The following MCF2L variants were observed in gnomAD, a reference collection of about 807,000 sequenced individuals.
MCF2L encodes guanine nucleotide exchange factor DBS.
MCF2L carries 97 observed loss-of-function variants against 153.4 expected under a neutral mutation model. The ratio of observed to expected loss-of-function variants is 0.63; its 90% CI spans 0.54 to 0.75. The LOEUF (loss-of-function observed/expected upper bound fraction) is 0.75, where lower values mean the gene tolerates loss of function less well. MCF2L is among the 30% of genes least tolerant of loss of function. The pLI, the probability that MCF2L is intolerant of heterozygous loss-of-function variation, is 0.00. For synonymous variants in MCF2L, 659 were observed against 632.2 expected, an observed-to-expected ratio of 1.04 and a Z score of -0.64; for missense variants, 1,347 against 1,495.2, an observed-to-expected ratio of 0.90 and a Z score of 1.64.
intron 3 of MCF2L, chr13:113,033,736 A>AATC (rs2085951376): frequency 1.3e-5 from 2 of 157,690 alleles, no homozygotes; most frequent in Non-Finnish European, 2.9e-5. Flanking sequence ...CCATGGTCTG[A>AATC]AGCCCTGAGT....
chr13:112,962,420 C>T (rs1205272231), intron 2 of MCF2L, among the ~76,000 whole-genome samples: 3 of 152,192 alleles, frequency 2.0e-5, no homozygotes, highest in South Asian at 2.1e-4. Context: ...TGGTGGGTTG[C>T]GGTCCCTGTG....
rs561051441 is a variant in MCF2L at position 113,053,259 on chromosome 13, C to T, written c.370-7334C>T. The stretch of plus-strand genomic sequence containing the variant: ...AAAATCCAGGTCCAGTGAAGGACGG[C>T]GCCCCCGTCAGCTGTCCACCCTTCT... On this transcript the variant is annotated intron_variant, in intron 4 of 29. Coordinates refer to ENST00000535094, the MANE Select transcript of MCF2L (RefSeq NM_001112732.3). This position sits in a 1 kb window ranked among gnomAD's most constrained non-coding sequence, Gnocchi z 4.4. 1.3e-5 allele frequency among the ~76,000 whole-genome samples: 2 copies of T among 152,284 alleles called. No individual in the cohort carries two copies. Among genetic ancestry groups the T allele is most frequent in the South Asian group, 4.1e-4 (2 of 4,822 alleles).
chr13:113,003,565 GC>G (rs2141071280), intron 1 of MCF2L, among the ~76,000 whole-genome samples: 1 of 152,234 alleles, frequency 6.6e-6, no homozygotes, highest in South Asian at 2.1e-4. Context: ...CACCCCTGAA[GC>G]CCTGGCCACC....
intron 1 of MCF2L, among the ~76,000 whole-genome samples, chr13:112,901,410 TC>T (rs1221929307): frequency 1.3e-5 from 2 of 152,234 alleles, no homozygotes; most frequent in Admixed American, 1.3e-4. Context: ...GGCGTCGGCC[TC>T]CCAAAGTGCT....
At chr13:112,930,808 G>A (rs1224061577) in intron 2 of MCF2L, among the ~76,000 whole-genome samples, 3 of 152,200 alleles carry the variant, frequency 2.0e-5, no homozygotes, top group East Asian at 1.9e-4. Flanking sequence ...ATGGTGGAGC[G>A]TGCCTGTAAT....
intron 3 of MCF2L, among the ~76,000 whole-genome samples, chr13:113,037,014 A>G (rs2086198449): frequency 6.6e-6 from 1 of 152,186 alleles, no homozygotes; most frequent in African/African-American, 2.4e-5. Flanking sequence ...TGGTGTTTGG[A>G]ACCCCCAGAC....
chr13:112,899,462 C>A (rs2081100019), intron 1 of MCF2L, among the ~76,000 whole-genome samples: 1 of 152,158 alleles, frequency 6.6e-6, no homozygotes, highest in South Asian at 2.1e-4. Flanking sequence ...TCCATCCTCT[C>A]GGGGCGGGAA....
At chr13:112,895,484 G>T (rs899221431) in intron 1 of MCF2L, among the ~76,000 whole-genome samples, 5 of 152,108 alleles carry the variant, frequency 3.3e-5, no homozygotes, top group Non-Finnish European at 5.9e-5. Flanking sequence ...ACATGGCCAG[G>T]TGGGTGCTGG....
chr13:113,063,598 A>T, intron 5 of MCF2L, among the ~76,000 whole-genome samples: 1 of 152,194 alleles, frequency 6.6e-6, no homozygotes, highest in East Asian at 1.9e-4. Context: ...AGACGGGACC[A>T]CAAAATGGGT....
At chr13:113,052,240 A>C (rs1272687539) in intron 4 of MCF2L, among the ~76,000 whole-genome samples, 1 of 152,170 alleles carries the variant, frequency 6.6e-6, no homozygotes, top group Non-Finnish European at 1.5e-5. Flanking sequence ...AACAGAGAAA[A>C]AGAAAGAGCT....
In MCF2L at chr13:113,035,068, T is replaced by C. The variant is rs1181050784; in HGVS notation, c.279-10203T>C. Among the ~76,000 whole-genome samples the C allele has an allele frequency of 6.6e-6, 1 of 152,162 alleles. No individual in the cohort carries two copies. The highest frequency in any genetic ancestry group is 1.9e-4 in the East Asian group (1 of 5,188). Reference sequence around the variant, plus strand: ...AGCCCCTCGGGAGGAAGGGTTCCTGTCCACGTTCAGCACCCCCGTGCAGAC... The same window carrying C: ...AGCCCCTCGGGAGGAAGGGTTCCTGCCCACGTTCAGCACCCCCGTGCAGAC... On this transcript the variant is annotated intron_variant, in intron 3 of 29. Transcript: ENST00000535094. This position sits in a 1 kb window ranked among gnomAD's most constrained non-coding sequence, Gnocchi z 4.4.
At chr13:112,924,143 C>G (rs558763070) in intron 2 of MCF2L, among the ~76,000 whole-genome samples, 1 of 152,140 alleles carries the variant, frequency 6.6e-6, no homozygotes, top group South Asian at 2.1e-4. Flanking sequence ...CACATTATCC[C>G]CAAAGCCAGC....
Position 113,074,769 on chromosome 13 carries a change from T to C in MCF2L, c.1116+206T>C, listed in dbSNP as rs1454393896. On this transcript the variant is annotated intron_variant, in intron 10 of 29. Coordinates refer to ENST00000535094, the MANE Select transcript of MCF2L (RefSeq NM_001112732.3). This position sits in a 1 kb window ranked among gnomAD's most constrained non-coding sequence, Gnocchi z 4.2. The stretch of plus-strand genomic sequence containing the variant: ...GCACATGGCCCTGCCCGGCCTCCTC[T>C]GGGTCAGGTCCCTGCAGACGGTCAA... 6.6e-6 allele frequency among the ~76,000 whole-genome samples: 1 copy of C among 150,582 alleles called. No homozygotes were observed. The highest frequency in any genetic ancestry group is 1.5e-5 in the Non-Finnish European group (1 of 67,560).
rs1162064373 is a variant in MCF2L at position 113,027,768 on chromosome 13, T to A, written c.278+3010T>A. On this transcript the variant is annotated intron_variant, in intron 3 of 29. Coordinates refer to ENST00000535094, the MANE Select transcript of MCF2L (RefSeq NM_001112732.3). The surrounding 1 kb of genome is among the most constrained non-coding windows in gnomAD (Gnocchi z 4.8). ...GCAGTTATTAAGCCCATGTTATAGA[T>A]GAGGCTTAATAACACGGTGATGGCT... is the stretch of plus-strand genomic sequence containing the variant. Among the ~76,000 whole-genome samples, 1 of 152,098 alleles carries A rather than the reference T, an allele frequency of 6.6e-6. No individual in the cohort carries two copies. The highest frequency in any genetic ancestry group is 2.4e-5 in the African/African-American group (1 of 41,420).
At chr13:112,997,657 C>T (rs7989784) in intron 1 of MCF2L, among the ~76,000 whole-genome samples, 3,112 of 152,352 alleles carry the variant, frequency 0.02, 85 homozygotes, top group African/African-American at 0.07. Flanking sequence ...ATTGTCCATC[C>T]GGGAGGAGGA....
chr13:113,028,945 G>A lies in MCF2L; in HGVS notation c.278+4187G>A, dbSNP rs553635492. 1.3e-4 allele frequency among the ~76,000 whole-genome samples: 19 copies of A among 151,210 alleles called. No homozygotes were observed. The highest frequency in any genetic ancestry group is 2.1e-4 in the South Asian group (1 of 4,740). ...GGGGTAAGTGGTGTGTGTGGTATGT[G>A]TGGACTATGTGAGGCATGTGTGGGG... On this transcript the variant is annotated intron_variant, in intron 3 of 29. Transcript: ENST00000535094. This position sits in a 1 kb window ranked among gnomAD's most constrained non-coding sequence, Gnocchi z 5.4.
chr13:112,969,098 C>A (rs1327402504), upstream of MCF2L: 2 of 248,664 alleles, frequency 8.0e-6, no homozygotes, highest in Non-Finnish European at 1.5e-5. This position sits in a 1 kb window ranked among gnomAD's most constrained non-coding sequence, Gnocchi z 4.8. Context: ...GGTGCACTCA[C>A]AGGACTCCCA....
intron 26 of MCF2L, chr13:113,090,217 C>T (rs898227912): frequency 1.6e-5 from 24 of 1,455,200 alleles, no homozygotes; most frequent in African/African-American, 5.6e-5. Context: ...TGTCATGCAT[C>T]GTGTGTGACC....
chr13:113,084,820 G>C (rs530056681), intron 18 of MCF2L, 72 bp from the exon 19 acceptor site: 1 of 1,162,250 alleles, frequency 8.6e-7, no homozygotes, highest in Non-Finnish European at 1.3e-6. Flanking sequence ...GCGTAATGCG[G>C]TGCCCGTCCC....
Sources: gnomAD v4.1 joint callset for allele counts (sites outside exome capture counted in the v4.1 genomes callset) on GRCh38, gnomAD v4.1.1 for gene constraint, Gnocchi (gnomAD v3.1) non-coding constraint, MANE v1.5 for transcripts, NCBI Gene and HGNC (gene_info 2026-07-23, HGNC 2026-07-21) for gene names.